Variants in LINGO2 observed in about 807,000 individuals in gnomAD.
The protein encoded by LINGO2 is leucine rich repeat and Ig domain containing 2, also known as leucine-rich repeat and immunoglobulin-like domain-containing nogo receptor-interacting protein 2.
LINGO2 carries 14 observed loss-of-function variants against 30.6 expected under a neutral mutation model. The observed-to-expected ratio is 0.46, with a 90% CI of 0.30 to 0.72. LINGO2 has a LOEUF of 0.72. Among genes scored for constraint, LINGO2 ranks in the 30% least tolerant of loss-of-function variants. The pLI is 0.07. For synonymous variants in LINGO2, 317 were observed against 288.5 expected (o/e 1.10, Z -1.00); for missense variants, 729 against 751.7 (o/e 0.97, Z 0.35).
At chr9:28,810,663 A>G in the LINGO2 span, among the ~76,000 whole-genome samples, 1 of 152,314 alleles carries the variant, frequency 6.6e-6, no homozygotes, top group Admixed American at 6.5e-5. Flanking sequence ...CCTTCTCACC[A>G]AAATGAAAAA....
chr9:29,050,721 T>C, the LINGO2 span, among the ~76,000 whole-genome samples: 1 of 152,192 alleles, frequency 6.6e-6, no homozygotes, highest in Non-Finnish European at 1.5e-5. Context: ...CATTTTTTTC[T>C]TCCAGGCTGT....
At chr9:28,572,651 T>C (rs1301121564) in intron 1 of LINGO2, among the ~76,000 whole-genome samples, 1 of 151,838 alleles carries the variant, frequency 6.6e-6, no homozygotes, top group African/African-American at 2.4e-5. Context: ...ACATCTTCCT[T>C]TCAGCGCTCT....
chr9:28,993,586 T>C, the LINGO2 span, among the ~76,000 whole-genome samples: 1 of 150,968 alleles, frequency 6.6e-6, no homozygotes, highest in African/African-American at 2.4e-5. Context: ...TAGATCAATA[T>C]ACTTGATGAA....
At chr9:27,975,762 A>G (rs1215517704) in intron 5 of LINGO2, among the ~76,000 whole-genome samples, 3 of 152,162 alleles carry the variant, frequency 2.0e-5, no homozygotes, top group African/African-American at 7.2e-5. Flanking sequence ...AAGTTCTGAA[A>G]GGCTGCAAGT....
chr9:28,722,562 T>G, the LINGO2 span, among the ~76,000 whole-genome samples: 32 of 152,248 alleles, frequency 2.1e-4, no homozygotes, highest in African/African-American at 7.2e-4. Context: ...AGGAAAGGCC[T>G]ATCTGACAGT....
At chr9:28,244,836 C>T (rs1348453895) in intron 4 of LINGO2, among the ~76,000 whole-genome samples, 3 of 151,432 alleles carry the variant, frequency 2.0e-5, no homozygotes, top group Non-Finnish European at 4.4e-5. Flanking sequence ...AAAAAAAAGC[C>T]CAGGACCACA....
At chr9:28,602,969 A>G (rs573012238) in intron 1 of LINGO2, among the ~76,000 whole-genome samples, 1 of 152,082 alleles carries the variant, frequency 6.6e-6, no homozygotes, top group Non-Finnish European at 1.5e-5. Flanking sequence ...GAGTATAGAA[A>G]GCAGTTGTTC....
intron 1 of LINGO2, among the ~76,000 whole-genome samples, chr9:28,615,890 G>A (rs999520515): frequency 3.9e-5 from 6 of 151,994 alleles, no homozygotes; most frequent in African/African-American, 1.4e-4. Flanking sequence ...AAACAGGAGA[G>A]TAAAAAAAGC....
At chr9:28,555,787 AG>A (rs1283280448) in intron 1 of LINGO2, among the ~76,000 whole-genome samples, 1 of 152,076 alleles carries the variant, frequency 6.6e-6, no homozygotes, top group Non-Finnish European at 1.5e-5. Flanking sequence ...CACATCAAAA[AG>A]CTTATCCACC....
At chr9:29,188,317 G>C in the LINGO2 span, among the ~76,000 whole-genome samples, 1 of 151,826 alleles carries the variant, frequency 6.6e-6, no homozygotes, top group Non-Finnish European at 1.5e-5. Flanking sequence ...ACATGTTTCA[G>C]AGAGCACAGG....
the LINGO2 span, among the ~76,000 whole-genome samples, chr9:28,733,821 C>A: frequency 6.6e-6 from 1 of 151,998 alleles, no homozygotes; most frequent in African/African-American, 2.4e-5. Flanking sequence ...AAAATCCATT[C>A]ACATATCTAT....
the LINGO2 span, among the ~76,000 whole-genome samples, chr9:28,969,953 T>A: frequency 6.6e-6 from 1 of 152,180 alleles, no homozygotes; most frequent in Non-Finnish European, 1.5e-5. Flanking sequence ...CATCTAGAAA[T>A]CCGGAGCACA....
chr9:28,748,176 C>T, the LINGO2 span, among the ~76,000 whole-genome samples: 2 of 151,954 alleles, frequency 1.3e-5, no homozygotes, highest in Non-Finnish European at 2.9e-5. Context: ...ATCTCCAATG[C>T]TACTTCAACA....
At chr9:27,967,941 C>A (rs1399633862) in intron 5 of LINGO2, among the ~76,000 whole-genome samples, 1 of 152,120 alleles carries the variant, frequency 6.6e-6, no homozygotes, top group Non-Finnish European at 1.5e-5. Flanking sequence ...TCTTTATATT[C>A]CAAAAACTGT....
intron 5 of LINGO2, among the ~76,000 whole-genome samples, chr9:27,962,203 G>GT (rs747985010): frequency 1.6e-4 from 25 of 152,088 alleles, no homozygotes; most frequent in Non-Finnish European, 2.6e-4. Flanking sequence ...AGTGCGAGTC[G>GT]TTTTTTATAG....
intron 3 of LINGO2, among the ~76,000 whole-genome samples, chr9:28,361,386 T>TG (rs1283666155): frequency 6.6e-6 from 1 of 152,182 alleles, no homozygotes; most frequent in African/African-American, 2.4e-5. Flanking sequence ...AGGCATCCAC[T>TG]GGGGGTCTTA....
At chr9:28,212,484 T>C (rs1296657326) in intron 4 of LINGO2, among the ~76,000 whole-genome samples, 1 of 151,458 alleles carries the variant, frequency 6.6e-6, no homozygotes, top group Non-Finnish European at 1.5e-5. Flanking sequence ...ATTCTGTTCA[T>C]GTACGATGTA....
At chr9:28,319,713 G>A (rs899318040) in intron 3 of LINGO2, among the ~76,000 whole-genome samples, 1 of 152,136 alleles carries the variant, frequency 6.6e-6, no homozygotes, top group Non-Finnish European at 1.5e-5. Context: ...GAGAATGAGA[G>A]GAGGCGACTG....
At chr9:28,047,647 G>A (rs1323123033) in intron 4 of LINGO2, among the ~76,000 whole-genome samples, 1 of 150,618 alleles carries the variant, frequency 6.6e-6, no homozygotes, top group East Asian at 2.0e-4. Context: ...TGATAGTAAC[G>A]GTAGCTACCT....
Sources: allele counts gnomAD v4.1 joint callset (sites outside exome capture counted in the v4.1 genomes callset), GRCh38; gene constraint gnomAD v4.1.1; transcripts MANE v1.5; gene names NCBI Gene and HGNC (gene_info 2026-07-23, HGNC 2026-07-21).